SHISAL1: variants seen among roughly 807,000 people sequenced by gnomAD.
The protein encoded by SHISAL1 is protein shisa-like-1.
A neutral mutation model predicts 22.6 loss-of-function variants in SHISAL1; 9 were observed. The observed-to-expected ratio is 0.40, with a 90% CI of 0.24 to 0.70. The LOEUF is 0.70. Ranked by LOEUF, SHISAL1 falls within the 30% of genes least tolerant of loss-of-function variation. SHISAL1 has a pLI of 0.39. For missense variants in SHISAL1, 246 were observed against 270.6 expected, an observed-to-expected ratio of 0.91 and a Z score of 0.64; for synonymous variants, 119 against 115.4, an observed-to-expected ratio of 1.03 and a Z score of -0.20.
At position 44,245,612 on chromosome 22, in the gene SHISAL1, G is replaced by A. The variant is rs558327807; in HGVS notation, c.*4073C>T. The A allele has an allele frequency of 1.3e-5, 2 of 152,624 alleles. No homozygotes were observed. Among genetic ancestry groups the A allele is most frequent in the South Asian group, 4.1e-4 (2 of 4,832 alleles). The allele number at this position is 152,624 out of a possible 1,614,324, so 9.5% of individuals were successfully genotyped here. A position where few individuals can be genotyped will look rare whatever the true frequency, so the allele number is the denominator to read the frequency against. On this transcript the variant is annotated 3_prime_UTR_variant, in exon 5 of 5. Coordinates refer to ENST00000381176, the MANE Select transcript of SHISAL1 (RefSeq NM_001099294.2). ...TGTGAAAGCAGCCGAGCCAGCGGAG[G>A]GGCCTGCCTGGGGATGGCAGCTGGA...
chr22:44,321,251 T>TA, the SHISAL1 span, among the ~76,000 whole-genome samples: 1 of 152,214 alleles, frequency 6.6e-6, no homozygotes, highest in Non-Finnish European at 1.5e-5. Context: ...CCTCCAGCCT[T>TA]GGCTTCTGCT....
intron 4 of SHISAL1, among the ~76,000 whole-genome samples, chr22:44,263,083 T>TTTC (rs1569210066): frequency 1.2e-3 from 21 of 17,356 alleles, no homozygotes; most frequent in African/African-American, 2.8e-3. Context: ...TTCTTTCTTT[T>TTTC]TTTTTTTTTT....
intron 2 of SHISAL1, among the ~76,000 whole-genome samples, chr22:44,298,806 G>A (rs1162044670): frequency 6.6e-6 from 1 of 152,206 alleles, no homozygotes; most frequent in African/African-American, 2.4e-5. Context: ...GGGGGATGTG[G>A]AAGGGTCCTG....
chr22:44,304,241 A>G (rs998741413), intron 1 of SHISAL1, among the ~76,000 whole-genome samples: 2 of 151,268 alleles, frequency 1.3e-5, no homozygotes, highest in Non-Finnish European at 2.9e-5. Flanking sequence ...GCAGGCAGAA[A>G]GGAAAGCCAC....
chr22:44,305,744 C>T (rs1045264915), intron 1 of SHISAL1, among the ~76,000 whole-genome samples: 1 of 152,206 alleles, frequency 6.6e-6, no homozygotes, highest in African/African-American at 2.4e-5. Context: ...GTCTGTTTGG[C>T]ATCCATGGCC....
chr22:44,266,528 A>ATGGGTATGTGTGTGTGTGTGTG (rs370971639), intron 4 of SHISAL1, among the ~76,000 whole-genome samples: 9 of 108,414 alleles, frequency 8.3e-5, no homozygotes, highest in African/African-American at 2.7e-4. Flanking sequence ...GCTTTGGGGT[A>ATGGGTATGTGTGTGTGTGTGTG]TGTGTGTGTG....
rs948215354 is a variant in SHISAL1 at position 44,301,063 on chromosome 22, G to A, written c.-32-86C>T. 7 of 852,924 alleles carry A rather than the reference G, an allele frequency of 8.2e-6. No homozygotes were observed. The South Asian group carries it at 9.4e-5, about 11-fold the overall frequency. 52.8% of individuals were successfully genotyped at this position (852,924 alleles called of 1,614,324 possible). Reference sequence around the variant, plus strand: ...TGCCCACAGCGGGGGACGGGCAGGCGGGCAGCGGGCAGGAGAGCGAGTTTG... The same window carrying A: ...TGCCCACAGCGGGGGACGGGCAGGCAGGCAGCGGGCAGGAGAGCGAGTTTG... On this transcript the variant is annotated intron_variant, in intron 1 of 4. Coordinates refer to ENST00000381176, the MANE Select transcript of SHISAL1 (RefSeq NM_001099294.2).
intron 3 of SHISAL1, among the ~76,000 whole-genome samples, chr22:44,289,046 A>T (rs896584069): frequency 1.1e-4 from 16 of 152,228 alleles, no homozygotes; most frequent in Non-Finnish European, 2.2e-4. Context: ...CTGCTTTGAT[A>T]CTAACTTCCC....
chr22:44,257,275 TAAC>T (rs1391456496), intron 4 of SHISAL1, among the ~76,000 whole-genome samples: 1 of 152,202 alleles, frequency 6.6e-6, no homozygotes, highest in Non-Finnish European at 1.5e-5. Context: ...GAAAGGTGGT[TAAC>T]AGCAGAAGAT....
At chr22:44,309,231 C>G (rs1400357037) in intron 1 of SHISAL1, among the ~76,000 whole-genome samples, 1 of 152,226 alleles carries the variant, frequency 6.6e-6, no homozygotes, top group South Asian at 2.1e-4. Flanking sequence ...GGGATTCCCG[C>G]TGCCATAAGG....
Position 44,281,466 on chromosome 22 carries a change from G to A in SHISAL1, c.599+3962C>T, listed in dbSNP as rs186577854. Among the ~76,000 whole-genome samples the A allele has an allele frequency of 1.1e-3, 167 of 152,198 alleles. 1 individual carries two copies. Among genetic ancestry groups the A allele is most frequent in the African/African-American group, 3.8e-3 (159 of 41,514 alleles). ...TGTGTGTTTGTGTCTGTGTGTGTAG[G>A]GGGTAGTGCTGCCTCCTGCCGCGCT... On this transcript the variant is annotated intron_variant, in intron 4 of 4. Coordinates refer to ENST00000381176, the MANE Select transcript of SHISAL1 (RefSeq NM_001099294.2).
In SHISAL1 at chr22:44,244,921, G is replaced by A. The variant is rs9614399; in HGVS notation, c.*4764C>T. On this transcript the variant is annotated 3_prime_UTR_variant, in exon 5 of 5. Coordinates refer to ENST00000381176, the MANE Select transcript of SHISAL1 (RefSeq NM_001099294.2). Reference sequence around the variant, plus strand: ...TGTTTGCGTGCATTTAAGCACCAGCGTGGGACGTGTTGGTGCTACAGCAAG... The same window carrying A: ...TGTTTGCGTGCATTTAAGCACCAGCATGGGACGTGTTGGTGCTACAGCAAG... 0.083 allele frequency: 12,625 copies of A among 152,352 alleles called. 577 individuals are homozygous for A. Among genetic ancestry groups the A allele is most frequent in the East Asian group, 0.12 (630 of 5,176 alleles). 9.4% of individuals were successfully genotyped at this position (152,352 alleles called of 1,614,324 possible).
chr22:44,277,066 A>G (rs915765860), intron 4 of SHISAL1, among the ~76,000 whole-genome samples: 6 of 152,120 alleles, frequency 3.9e-5, no homozygotes, highest in African/African-American at 1.4e-4. Flanking sequence ...GCGAACTCCT[A>G]TTCATCCACT....
In SHISAL1 at chr22:44,261,096, TATAC is replaced by T. The variant is rs1313439887; in HGVS notation, c.*-11415_*-11412del. ...ATTACTTTATATATATATATATATA[TATAC>T]ACTATATGGATTCTCTTGCAGAAAA... On this transcript the variant is annotated intron_variant, in intron 4 of 4. Coordinates refer to ENST00000381176, the MANE Select transcript of SHISAL1 (RefSeq NM_001099294.2). Among the ~76,000 whole-genome samples the T allele has an allele frequency of 1.7e-4, 22 of 130,572 alleles. 1 individual carries two copies. The highest frequency in any genetic ancestry group is 3.5e-4 in the African/African-American group (10 of 28,596). The allele number at this position is 130,572 out of a possible 152,430, so 85.7% of individuals were successfully genotyped here.
At chr22:44,324,843 G>T in the SHISAL1 span, among the ~76,000 whole-genome samples, 1 of 152,172 alleles carries the variant, frequency 6.6e-6, no homozygotes, top group African/African-American at 2.4e-5. Context: ...TTCTCCAAAG[G>T]CCTTTCTGTC....
In SHISAL1 at chr22:44,249,439, A is replaced by C; in HGVS notation, c.*246T>G. The C allele has an allele frequency of 2.2e-6, 1 of 464,938 alleles. No homozygotes were observed. Among genetic ancestry groups the C allele is most frequent in the Non-Finnish European group, 3.9e-6 (1 of 257,780 alleles). 28.8% of individuals were successfully genotyped at this position (464,938 alleles called of 1,614,324 possible). On this transcript the variant is annotated 3_prime_UTR_variant, in exon 5 of 5. Coordinates refer to ENST00000381176, the MANE Select transcript of SHISAL1 (RefSeq NM_001099294.2). ...CTCTCAGAAGCCACCAGCCCAAAATAGGACTATTGCTTGCGGACAGGTGGC... is the reference window on the plus strand; with the variant it reads ...CTCTCAGAAGCCACCAGCCCAAAATCGGACTATTGCTTGCGGACAGGTGGC...
At chr22:44,325,453 C>A in the SHISAL1 span, among the ~76,000 whole-genome samples, 7 of 152,214 alleles carry the variant, frequency 4.6e-5, no homozygotes, top group African/African-American at 1.7e-4. Flanking sequence ...CCCAGCCCCT[C>A]TTGCAGCCAG....
chr22:44,287,799 G>T (rs766539930), intron 3 of SHISAL1, among the ~76,000 whole-genome samples: 18 of 152,090 alleles, frequency 1.2e-4, no homozygotes, highest in Non-Finnish European at 2.5e-4. Context: ...GTAGACCGAG[G>T]AGTCAGGCCT....
At chr22:44,324,086 G>C in the SHISAL1 span, among the ~76,000 whole-genome samples, 4 of 152,152 alleles carry the variant, frequency 2.6e-5, no homozygotes, top group Non-Finnish European at 2.9e-5. Context: ...AGAGCTTAGG[G>C]GTAAAACATA....
Sources: allele counts gnomAD v4.1 joint callset (sites outside exome capture counted in the v4.1 genomes callset), GRCh38; gene constraint gnomAD v4.1.1; transcripts MANE v1.5; gene names NCBI Gene and HGNC (gene_info 2026-07-23, HGNC 2026-07-21).